ZBTB17: variants seen among roughly 807,000 people sequenced by gnomAD.
ZBTB17 encodes the protein zinc finger and BTB domain containing 17.
Under a neutral mutation model 85.1 loss-of-function variants are expected in ZBTB17, and 24 were observed. The ratio of observed to expected loss-of-function variants is 0.28; its 90% CI spans 0.20 to 0.40. The LOEUF (loss-of-function observed/expected upper bound fraction) is 0.40, where lower values mean the gene tolerates loss of function less well. Ranked by LOEUF, ZBTB17 falls within the 10% of genes least tolerant of loss-of-function variation. ZBTB17 has a pLI of 1.00. For synonymous variants in ZBTB17, 464 were observed against 460.2 expected (o/e 1.01, Z -0.11); for missense variants, 743 against 1,105.1 (o/e 0.67, Z 4.65).
At chr1:15,968,073 A>AC (rs991594836) in intron 2 of ZBTB17, among the ~76,000 whole-genome samples, 3 of 152,120 alleles carry the variant, frequency 2.0e-5, no homozygotes, top group African/African-American at 4.8e-5. Flanking sequence ...CCCACCCCCC[A>AC]CAACAAAGAC....
Position 15,951,662 on chromosome 1 carries a change from TC to T in ZBTB17, c.-2-3166del, listed in dbSNP as rs760528232. ...GAGGGGCTGAGCTAGAACTAGGCAG[TC>T]CCCCACCTCCAACCCACGTGAACTG... On this transcript the variant is annotated intron_variant, in intron 2 of 15. Coordinates refer to ENST00000375743, the MANE Select transcript of ZBTB17 (RefSeq NM_003443.3). This position sits in a 1 kb window ranked among gnomAD's most constrained non-coding sequence, Gnocchi z 4.1. Among the ~76,000 whole-genome samples, 1 of 151,826 alleles carries T rather than the reference TC, an allele frequency of 6.6e-6. No individual in the cohort carries two copies. Among genetic ancestry groups the T allele is most frequent in the African/African-American group, 2.4e-5 (1 of 41,286 alleles).
chr1:15,948,131 G>T, intron 3 of ZBTB17, 160 bp downstream of exon 3: 1 of 825,700 alleles, frequency 1.2e-6, no homozygotes, highest in Non-Finnish European at 2.0e-6. Context: ...CCAAAAGGTG[G>T]GAGGAACTTA....
chr1:15,964,853 C>G lies in ZBTB17; in HGVS notation c.-3+8186G>C, dbSNP rs983078485. The stretch of plus-strand genomic sequence containing the variant: ...AGAACAGGCCGGGCACGGTGGCTCA[C>G]GCCTATAATCCCAGCACTTTGGGAG... On this transcript the variant is annotated intron_variant, in intron 2 of 15. Coordinates refer to ENST00000375743, the MANE Select transcript of ZBTB17 (RefSeq NM_003443.3). This position sits in a 1 kb window ranked among gnomAD's most constrained non-coding sequence, Gnocchi z 4.3. Among the ~76,000 whole-genome samples the G allele has an allele frequency of 6.6e-6, 1 of 152,178 alleles. No homozygotes were observed.
At position 15,943,641 on chromosome 1, in the gene ZBTB17, C is replaced by A; in HGVS notation, c.1534G>T (p.Ala512Ser). The A allele has an allele frequency of 6.2e-7, 1 of 1,613,092 alleles. No homozygotes were observed. The highest frequency in any genetic ancestry group is 8.5e-7 in the Non-Finnish European group (1 of 1,179,934). Residue 512 changes from alanine (A) to serine (S), a missense_variant, in exon 11 of 16, where the codon GCA (alanine) becomes TCA (serine). Transcript: ENST00000375743. ...YVCIHCQRQF[A>S]DPGALQRHVR... Reference sequence around the variant, plus strand: ...TGCCGCTGCAGAGCGCCGGGGTCTGCAAACTGTCGCTGGCAGTGGATGCAC... The same window carrying A: ...TGCCGCTGCAGAGCGCCGGGGTCTGAAAACTGTCGCTGGCAGTGGATGCAC...
intron 3 of ZBTB17, among the ~76,000 whole-genome samples, chr1:15,947,793 G>A (rs2071674768): frequency 6.6e-6 from 1 of 152,150 alleles, no homozygotes; most frequent in Non-Finnish European, 1.5e-5. Context: ...TATAAAATGG[G>A]AGAATAATAC....
At chr1:15,963,911 GCCTGTCTTTACCAAAAGAGAC>G (rs1459208688) in intron 2 of ZBTB17, among the ~76,000 whole-genome samples, 2 of 151,820 alleles carry the variant, frequency 1.3e-5, no homozygotes, top group African/African-American at 4.8e-5. Context: ...TTCAAGACCA[GCCTGTCTTTACCAAAAGAGAC>G]CCTGTCTTTA....
chr1:15,942,867 G>T, intron 13 of ZBTB17, 129 bp from the exon 14 acceptor site: 1 of 1,333,868 alleles, frequency 7.5e-7, no homozygotes, highest in Non-Finnish European at 1.0e-6. Flanking sequence ...GTGGCTGCAC[G>T]GGTGCCTCTG....
At chr1:15,948,717 A>C (rs2071713665) in intron 2 of ZBTB17, among the ~76,000 whole-genome samples, 1 of 152,252 alleles carries the variant, frequency 6.6e-6, no homozygotes, top group African/African-American at 2.4e-5. Context: ...GTCCAGGAAA[A>C]GTGGCCCAAA....
At chr1:15,961,992 T>A (rs1377876310) in intron 2 of ZBTB17, among the ~76,000 whole-genome samples, 4 of 152,002 alleles carry the variant, frequency 2.6e-5, no homozygotes, top group African/African-American at 9.7e-5. Context: ...TTGCCTAAGT[T>A]CAGGAGTTGG....
Position 15,945,759 on chromosome 1 carries a change from G to A in ZBTB17, c.617C>T (p.Ala206Val), listed in dbSNP as rs1209750113. The change falls in exon 6 of 16, where the codon GCT (alanine) becomes GTT (valine). Residue 206 changes from alanine (A) to valine (V), a missense_variant. Ala to Val is a moderately conservative substitution (Grantham distance 64). This residue lies in a region of ZBTB17 where 279 missense variants were observed against 269.9 expected (regional missense o/e 1.03). Coordinates refer to ENST00000375743, the MANE Select transcript of ZBTB17 (RefSeq NM_003443.3). ...ELKPDPTSGM[A>V]AAEAEAALSE... ...CAAAGCGGCCTCAGCTTCTGCAGCA[G>A]CCATGCCACTCGTGGGGTCTGGCTT... is the stretch of plus-strand genomic sequence containing the variant. 6 of 1,606,496 alleles carry A rather than the reference G, an allele frequency of 3.7e-6. No homozygotes were observed. Among genetic ancestry groups the A allele is most frequent in the African/African-American group, 1.3e-5 (1 of 74,932 alleles).
chr1:15,958,339 C>G (rs1304870275), intron 2 of ZBTB17, among the ~76,000 whole-genome samples: 1 of 149,222 alleles, frequency 6.7e-6, no homozygotes, highest in Admixed American at 6.9e-5. Flanking sequence ...CCCTGTCAAA[C>G]AGGACAGCAG....
rs1039371278 is a variant in ZBTB17, at chr1:15,945,024, G to A, written c.840C>T (p.Leu280=). 11 of 1,604,718 alleles carry A rather than the reference G, an allele frequency of 6.9e-6. No individual in the cohort carries two copies. The highest frequency in any genetic ancestry group is 1.3e-5 in the African/African-American group (1 of 74,792). ...AGCGCAGGCCCCGGGCCTCGGAGCC[G>A]AGCTCCTGCCCCGAGTCTGTGCCCG... is the stretch of plus-strand genomic sequence containing the variant. ...ESAGTDSGQE[L]GSEARGLRSG... is the part of the protein sequence containing the mutation. The change falls in exon 7 of 16, where the codon CTC becomes CTT. Residue 280 remains leucine, a synonymous_variant. Transcript: ENST00000375743.
Position 15,941,941 on chromosome 1 carries a change from TAAA to T in ZBTB17, c.*25_*27del. ...CCGGTTCCAGGGTGCCATCCATCCT[TAAA>T]TAAACAGTCAGAAGGGCCGCCAGCT... On this transcript the variant is annotated 3_prime_UTR_variant, in exon 16 of 16. Coordinates refer to ENST00000375743, the MANE Select transcript of ZBTB17 (RefSeq NM_003443.3). 6.4e-7 allele frequency: 1 copy of T among 1,567,814 alleles called. No individual in the cohort carries two copies. Among genetic ancestry groups the T allele is most frequent in the South Asian group, 1.1e-5 (1 of 88,272 alleles).
chr1:15,960,087 T>C (rs1370650632), intron 2 of ZBTB17, among the ~76,000 whole-genome samples: 1 of 152,174 alleles, frequency 6.6e-6, no homozygotes, highest in Non-Finnish European at 1.5e-5. Flanking sequence ...GACACTGAAG[T>C]CCTTCTCCCA....
chr1:15,957,699 C>G (rs1237367035), intron 2 of ZBTB17, among the ~76,000 whole-genome samples: 2 of 152,086 alleles, frequency 1.3e-5, no homozygotes, highest in African/African-American at 2.4e-5. Flanking sequence ...CAGCAGTGGC[C>G]TCACCAAGGA....
chr1:15,948,179 G>A, intron 3 of ZBTB17, 112 bp downstream of exon 3: 1 of 1,272,578 alleles, frequency 7.9e-7, no homozygotes, highest in Non-Finnish European at 1.1e-6. Flanking sequence ...TGTGCGGGAG[G>A]CCTGTTGCAT....
At position 15,951,303 on chromosome 1, in the gene ZBTB17, A is replaced by T. The variant is rs891114979; in HGVS notation, c.-2-2806T>A. 7.8e-6 allele frequency among the ~76,000 whole-genome samples: 1 copy of T among 128,932 alleles called. No individual in the cohort carries two copies. The highest frequency in any genetic ancestry group is 1.6e-5 in the Non-Finnish European group (1 of 60,916). 84.6% of individuals were successfully genotyped at this position (128,932 alleles called of 152,430 possible). On this transcript the variant is annotated intron_variant, in intron 2 of 15. Transcript: ENST00000375743. This position sits in a 1 kb window ranked among gnomAD's most constrained non-coding sequence, Gnocchi z 4.1. ...AAGTAAGGGAAGGAAAGGAGAGAGA[A>T]GAAGGAAGGAAGGAAGGGAGAGAGG...
In ZBTB17 at chr1:15,951,171, CAG is replaced by C. The variant is rs2071821196; in HGVS notation, c.-2-2676_-2-2675del. Among the ~76,000 whole-genome samples, 1 of 152,150 alleles carries C rather than the reference CAG, an allele frequency of 6.6e-6. No individual in the cohort carries two copies. The highest frequency in any genetic ancestry group is 2.4e-5 in the African/African-American group (1 of 41,422). On this transcript the variant is annotated intron_variant, in intron 2 of 15. Transcript: ENST00000375743. This position sits in a 1 kb window ranked among gnomAD's most constrained non-coding sequence, Gnocchi z 4.1. ...CACACACGGGTGTTAGGAGGAGAAA[CAG>C]AGGCGTCTATAATCCTCTGAGGCTG...
intron 1 of ZBTB17, among the ~76,000 whole-genome samples, chr1:15,974,691 C>T (rs1202382823): frequency 2.0e-5 from 3 of 152,116 alleles, no homozygotes; most frequent in African/African-American, 7.2e-5. Flanking sequence ...TCTCATACCT[C>T]AGCCTCCTGA....
Sources: gnomAD v4.1 joint callset for allele counts (sites outside exome capture counted in the v4.1 genomes callset) on GRCh38, gnomAD v4.1.1 for gene constraint, gnomAD v4.1.1 regional missense constraint, Gnocchi (gnomAD v3.1) non-coding constraint, MANE v1.5 for transcripts, NCBI Gene and HGNC (gene_info 2026-07-23, HGNC 2026-07-21) for gene names.